Variants in UNC5D observed in about 807,000 individuals in gnomAD.
UNC5D encodes unc-5 netrin receptor D, also known as netrin receptor UNC5D.
In UNC5D, 39 loss-of-function variants were observed where a neutral mutation model predicts 105.4. The observed-to-expected ratio is 0.37, with a 90% CI of 0.29 to 0.48. The LOEUF is 0.48. UNC5D is among the 20% of genes least tolerant of loss of function. UNC5D has a pLI of 0.98. For synonymous variants in UNC5D, 452 were observed against 450.4 expected, an observed-to-expected ratio of 1.00 and a Z score of -0.04; for missense variants, 991 against 1,202.4, an observed-to-expected ratio of 0.82 and a Z score of 2.60.
chr8:35,557,894 G>A (rs964946048), intron 2 of UNC5D, among the ~76,000 whole-genome samples: 3 of 152,128 alleles, frequency 2.0e-5, no homozygotes, highest in African/African-American at 7.2e-5. Context: ...CACTTTGGGA[G>A]GCCGAGGCGG....
intron 1 of UNC5D, among the ~76,000 whole-genome samples, chr8:35,341,695 AAACATCTTAAT>A (rs1327028894): frequency 6.6e-6 from 1 of 152,142 alleles, no homozygotes; most frequent in East Asian, 1.9e-4. Flanking sequence ...ACTACTAGCA[AAACATCTTAAT>A]AACAAGTGAC....
chr8:35,506,371 C>A (rs1812304081), intron 1 of UNC5D, among the ~76,000 whole-genome samples: 1 of 152,218 alleles, frequency 6.6e-6, no homozygotes, highest in Non-Finnish European at 1.5e-5. Context: ...AGAATGGTTT[C>A]TTCTGCCTAT....
chr8:35,412,462 T>G (rs1805238553), intron 1 of UNC5D, among the ~76,000 whole-genome samples: 1 of 150,854 alleles, frequency 6.6e-6, no homozygotes, highest in Non-Finnish European at 1.5e-5. Flanking sequence ...TTTTGTATGT[T>G]ATGACAAAAA....
At chr8:35,271,499 G>T (rs1208986655) in intron 1 of UNC5D, among the ~76,000 whole-genome samples, 2 of 141,470 alleles carry the variant, frequency 1.4e-5, no homozygotes, top group Non-Finnish European at 3.1e-5. Flanking sequence ...CTATATTTAG[G>T]TCTACATATG....
intron 1 of UNC5D, among the ~76,000 whole-genome samples, chr8:35,420,742 C>T (rs1484695533): frequency 3.4e-5 from 5 of 149,030 alleles, no homozygotes; most frequent in Admixed American, 6.7e-5. Context: ...ATACCATGGG[C>T]TTTTTTTTTT....
intron 4 of UNC5D, among the ~76,000 whole-genome samples, chr8:35,610,858 G>A (rs1013212902): frequency 6.6e-5 from 10 of 151,820 alleles, no homozygotes; most frequent in Admixed American, 1.3e-4. Context: ...AGATTGTCAC[G>A]GTTGCACAAT....
intron 15 of UNC5D, among the ~76,000 whole-genome samples, chr8:35,772,112 A>T (rs1405603646): frequency 6.6e-6 from 1 of 152,222 alleles, no homozygotes. Flanking sequence ...AACATAACTA[A>T]AACCAGTAAG....
chr8:35,777,631 G>A (rs1229310656), intron 16 of UNC5D, among the ~76,000 whole-genome samples: 2 of 152,112 alleles, frequency 1.3e-5, no homozygotes, highest in East Asian at 3.9e-4. Flanking sequence ...CAACTACTCG[G>A]CAACATTCAA....
chr8:35,742,977 A>G (rs1829835820), intron 11 of UNC5D, among the ~76,000 whole-genome samples: 1 of 152,192 alleles, frequency 6.6e-6, no homozygotes, highest in Non-Finnish European at 1.5e-5. Flanking sequence ...TTATTTTAAT[A>G]GTTTTTGGGA....
chr8:35,441,324 ATTG>A (rs1585850638), intron 1 of UNC5D, among the ~76,000 whole-genome samples: 1 of 151,948 alleles, frequency 6.6e-6, no homozygotes, highest in East Asian at 1.9e-4. Flanking sequence ...TTATTACAGT[ATTG>A]TTACAATTAT....
At chr8:35,398,729 C>T (rs1022632171) in intron 1 of UNC5D, among the ~76,000 whole-genome samples, 2 of 152,010 alleles carry the variant, frequency 1.3e-5, no homozygotes, top group South Asian at 4.2e-4. Flanking sequence ...GGATGTTTTA[C>T]CTCTGCAAAA....
intron 4 of UNC5D, among the ~76,000 whole-genome samples, chr8:35,635,012 C>T (rs1377029019): frequency 1.3e-5 from 2 of 152,128 alleles, no homozygotes; most frequent in African/African-American, 4.8e-5. Flanking sequence ...GCGATCCACC[C>T]GCCTTGGCCT....
chr8:35,462,100 G>T (rs1030712937), intron 1 of UNC5D, among the ~76,000 whole-genome samples: 4 of 151,966 alleles, frequency 2.6e-5, no homozygotes, highest in African/African-American at 9.7e-5. Context: ...TTGAATATTA[G>T]TATTCAATTT....
intron 13 of UNC5D, among the ~76,000 whole-genome samples, chr8:35,758,302 T>C (rs985406819): frequency 2.6e-5 from 4 of 152,238 alleles, no homozygotes; most frequent in African/African-American, 9.6e-5. Context: ...TCTTTAATAA[T>C]TGAAATGTAA....
intron 8 of UNC5D, among the ~76,000 whole-genome samples, chr8:35,717,970 T>C (rs1828350141): frequency 6.6e-6 from 1 of 152,244 alleles, no homozygotes; most frequent in Non-Finnish European, 1.5e-5. Context: ...GATTAATCTT[T>C]TCAGCCTTCT....
At chr8:35,681,864 A>C (rs985761062) in intron 4 of UNC5D, among the ~76,000 whole-genome samples, 6 of 152,272 alleles carry the variant, frequency 3.9e-5, no homozygotes, top group Admixed American at 3.3e-4. Flanking sequence ...ACTTGGGGTA[A>C]GTATGGAAGG....
At chr8:35,594,137 T>A (rs1368154432) in intron 3 of UNC5D, among the ~76,000 whole-genome samples, 2 of 152,152 alleles carry the variant, frequency 1.3e-5, no homozygotes, top group Non-Finnish European at 2.9e-5. Flanking sequence ...ATGGATCTTG[T>A]CACCCACCTG....
chr8:35,348,122 C>T (rs572160131), intron 1 of UNC5D, among the ~76,000 whole-genome samples: 311 of 152,078 alleles, frequency 2.0e-3, no homozygotes, highest in Non-Finnish European at 3.5e-3. Flanking sequence ...CCATCTAATG[C>T]AGCTAATATT....
At chr8:35,605,428 G>T (rs549732524) in intron 4 of UNC5D, among the ~76,000 whole-genome samples, 1 of 152,302 alleles carries the variant, frequency 6.6e-6, no homozygotes, top group South Asian at 2.1e-4. Flanking sequence ...GGAGTACCTG[G>T]CCGTATGAGG....
Sources: gnomAD v4.1 joint callset for allele counts (sites outside exome capture counted in the v4.1 genomes callset) on GRCh38, gnomAD v4.1.1 for gene constraint, MANE v1.5 for transcripts, NCBI Gene and HGNC (gene_info 2026-07-23, HGNC 2026-07-21) for gene names.